Variants in SGCZ observed in about 807,000 individuals in gnomAD.
The protein encoded by SGCZ is sarcoglycan zeta, also known as zeta-sarcoglycan.
A neutral mutation model predicts 41.3 loss-of-function variants in SGCZ; 40 were observed. The ratio of observed to expected loss-of-function variants is 0.97; its 90% CI spans 0.75 to 1.26. The LOEUF (loss-of-function observed/expected upper bound fraction) is 1.26. Among genes scored for constraint, SGCZ ranks in the 50% most tolerant of loss-of-function variants. SGCZ has a pLI of 0.00. For synonymous variants in SGCZ, 206 were observed against 137.5 expected (o/e 1.50, Z -3.49); for missense variants, 552 against 369.8 (o/e 1.49, Z -4.04).
intron 1 of SGCZ, among the ~76,000 whole-genome samples, chr8:15,097,896 A>ATATATATACACGTGTGTG (rs1806441064): frequency 9.6e-6 from 1 of 103,936 alleles, no homozygotes; most frequent in African/African-American, 3.7e-5. Context: ...GTGTATATAT[A>ATATATATACACGTGTGTG]TATATATATA....
intron 1 of SGCZ, among the ~76,000 whole-genome samples, chr8:15,083,305 T>A (rs1805822841): frequency 6.6e-6 from 1 of 152,190 alleles, no homozygotes; most frequent in Non-Finnish European, 1.5e-5. Flanking sequence ...AATGTAGAAA[T>A]AGCATATAAA....
intron 1 of SGCZ, among the ~76,000 whole-genome samples, chr8:14,779,028 C>A (rs1195059411): frequency 2.0e-5 from 3 of 152,176 alleles, no homozygotes; most frequent in African/African-American, 7.2e-5. Flanking sequence ...ATACTATCCA[C>A]ACCAGTACTG....
intron 2 of SGCZ, among the ~76,000 whole-genome samples, chr8:14,378,216 G>T (rs968374473): frequency 6.6e-6 from 1 of 150,720 alleles, no homozygotes; most frequent in African/African-American, 2.5e-5. Context: ...TTTAATGATC[G>T]CCATTCTAAC....
At position 14,986,890 on chromosome 8, in the gene SGCZ, TA is replaced by T. The variant is rs558369714; in HGVS notation, c.39+250694del. 6.6e-5 allele frequency among the ~76,000 whole-genome samples: 10 copies of T among 152,092 alleles called. No individual in the cohort carries two copies. The South Asian group carries it at 2.1e-3, about 32-fold the overall frequency. On this transcript the variant is annotated intron_variant, in intron 1 of 7. Coordinates refer to ENST00000382080, the MANE Select transcript of SGCZ (RefSeq NM_139167.4). ...TAATGGATTAAAATTTTGTTATAAATACTCAGTAAGGATTAAATATAAAATG... is the reference window on the plus strand; with the variant it reads ...TAATGGATTAAAATTTTGTTATAAATCTCAGTAAGGATTAAATATAAAATG...
chr8:14,432,653 C>T (rs1318124421), intron 2 of SGCZ, among the ~76,000 whole-genome samples: 1 of 152,152 alleles, frequency 6.6e-6, no homozygotes, highest in Non-Finnish European at 1.5e-5. Flanking sequence ...TTGGCTCACG[C>T]CTGTAATCCC....
chr8:14,205,389 G>A (rs553413497), intron 4 of SGCZ, among the ~76,000 whole-genome samples: 8 of 152,240 alleles, frequency 5.3e-5, no homozygotes, highest in African/African-American at 1.7e-4. Flanking sequence ...ATGTTTTTCA[G>A]AAAGTTAAAA....
chr8:14,957,210 C>T (rs1050341982), intron 1 of SGCZ, among the ~76,000 whole-genome samples: 6 of 151,974 alleles, frequency 3.9e-5, no homozygotes. Flanking sequence ...AATATGGAAA[C>T]AGATGGTGAT....
chr8:15,016,598 A>G (rs1387318348), intron 1 of SGCZ, among the ~76,000 whole-genome samples: 1 of 152,162 alleles, frequency 6.6e-6, no homozygotes, highest in Non-Finnish European at 1.5e-5. Flanking sequence ...TGGGCTCTAT[A>G]CTAGGTTAAG....
intron 1 of SGCZ, among the ~76,000 whole-genome samples, chr8:14,963,372 T>C (rs532409107): frequency 1.7e-4 from 25 of 151,292 alleles, no homozygotes; most frequent in African/African-American, 6.1e-4. Flanking sequence ...AGAGTCTCAC[T>C]CTATTGCCGA....
intron 1 of SGCZ, among the ~76,000 whole-genome samples, chr8:14,936,105 C>A (rs1003076567): frequency 6.6e-6 from 1 of 151,794 alleles, no homozygotes; most frequent in Non-Finnish European, 1.5e-5. Context: ...TGGACAAATT[C>A]CCCCATCACA....
At chr8:14,540,931 G>A (rs1251984885) in intron 2 of SGCZ, among the ~76,000 whole-genome samples, 1 of 150,860 alleles carries the variant, frequency 6.6e-6, no homozygotes, top group Non-Finnish European at 1.5e-5. Flanking sequence ...TTGTTTAGTT[G>A]ATGTTAACTT....
intron 4 of SGCZ, among the ~76,000 whole-genome samples, chr8:14,166,420 C>G (rs1333595275): frequency 2.0e-5 from 3 of 152,186 alleles, no homozygotes; most frequent in African/African-American, 7.2e-5. Flanking sequence ...CCATAGTAAT[C>G]CAACTATTGG....
chr8:14,263,734 G>A lies in SGCZ; in HGVS notation c.337-26055C>T, dbSNP rs191388326. ...AAGAGCTTAAAATACCAGGTGAGAG[G>A]TCAAAGTACCTGATTTTAGCATAAA... On this transcript the variant is annotated intron_variant, in intron 3 of 7. Coordinates refer to ENST00000382080, the MANE Select transcript of SGCZ (RefSeq NM_139167.4). Among the ~76,000 whole-genome samples, 3 of 152,136 alleles carry A rather than the reference G, an allele frequency of 2.0e-5. No homozygotes were observed. The East Asian group carries it at 5.8e-4, about 29-fold the overall frequency.
chr8:14,716,830 T>C (rs1172616448), intron 1 of SGCZ, among the ~76,000 whole-genome samples: 2 of 152,164 alleles, frequency 1.3e-5, no homozygotes, highest in African/African-American at 4.8e-5. Context: ...TTCCACTTTG[T>C]AATACTCCTA....
At position 14,437,809 on chromosome 8, in the gene SGCZ, A is replaced by T. The variant is rs148398461; in HGVS notation, c.235-113605T>A. On this transcript the variant is annotated intron_variant, in intron 2 of 7. Coordinates refer to ENST00000382080, the MANE Select transcript of SGCZ (RefSeq NM_139167.4). ...TTACATTTTGTGCATTCAACATTTC[A>T]TGCATTTAATAAAAATTTATAATTT... 2.4e-3 allele frequency among the ~76,000 whole-genome samples: 368 copies of T among 151,902 alleles called. 2 individuals are homozygous for T. Among genetic ancestry groups the T allele is most frequent in the African/African-American group, 8.0e-3 (334 of 41,540 alleles).
intron 3 of SGCZ, among the ~76,000 whole-genome samples, chr8:14,255,677 G>A (rs970159335): frequency 2.0e-5 from 3 of 152,086 alleles, no homozygotes; most frequent in Admixed American, 6.5e-5. Flanking sequence ...TTAGTTCACT[G>A]TCTTTGGATG....
chr8:14,952,449 T>A (rs1272577190), intron 1 of SGCZ, among the ~76,000 whole-genome samples: 3 of 152,192 alleles, frequency 2.0e-5, no homozygotes, highest in Non-Finnish European at 4.4e-5. Flanking sequence ...CTGGTAATGC[T>A]GCAGTATTTA....
chr8:15,186,860 T>G (rs1800363670), intron 1 of SGCZ, among the ~76,000 whole-genome samples: 1 of 152,162 alleles, frequency 6.6e-6, no homozygotes, highest in Non-Finnish European at 1.5e-5. Context: ...AGTGGGTTTT[T>G]AAGCATTTAA....
chr8:15,066,477 C>CA (rs887981746), intron 1 of SGCZ, among the ~76,000 whole-genome samples: 39 of 152,080 alleles, frequency 2.6e-4, no homozygotes, highest in Non-Finnish European at 4.4e-4. Context: ...TAATGCACTT[C>CA]AAAAAGCTTT....
Sources: gnomAD v4.1 joint callset for allele counts (sites outside exome capture counted in the v4.1 genomes callset) on GRCh38, gnomAD v4.1.1 for gene constraint, MANE v1.5 for transcripts, NCBI Gene and HGNC (gene_info 2026-07-23, HGNC 2026-07-21) for gene names.